SUGCT: variants seen among roughly 807,000 people sequenced by gnomAD.
SUGCT encodes the protein succinyl-CoA:glutarate CoA-transferase.
Under a neutral mutation model 55.0 loss-of-function variants are expected in SUGCT, and 41 were observed. The observed-to-expected ratio is 0.74, with a 90% CI of 0.58 to 0.97. The LOEUF is 0.97. SUGCT is among the 50% of genes least tolerant of loss of function. The probability of loss-of-function intolerance (pLI) is 0.00; values close to 1 mark genes in which losing one functional copy is unlikely to be tolerated. For missense variants in SUGCT, 568 were observed against 547.8 expected, an observed-to-expected ratio of 1.04 and a Z score of -0.37; for synonymous variants, 187 against 200.4, an observed-to-expected ratio of 0.93 and a Z score of 0.56.
the SUGCT span, among the ~76,000 whole-genome samples, chr7:41,008,399 G>A: frequency 6.6e-6 from 1 of 152,108 alleles, no homozygotes; most frequent in East Asian, 1.9e-4. Context: ...CTCACATCCG[G>A]GTTTCTTTTA....
At chr7:40,967,743 C>T in the SUGCT span, among the ~76,000 whole-genome samples, 12,490 of 152,118 alleles carry the variant, frequency 0.082, 567 homozygotes, top group African/African-American at 0.1. Flanking sequence ...GCCTCAGCCT[C>T]CCGAGTAGCT....
At chr7:40,609,557 A>G (rs1258591887) in intron 12 of SUGCT, among the ~76,000 whole-genome samples, 9 of 151,922 alleles carry the variant, frequency 5.9e-5, no homozygotes, top group Non-Finnish European at 1.5e-5. Flanking sequence ...TCTCAAAAAA[A>G]AAAAAAAAAG....
chr7:40,835,491 T>C (rs1449654822), intron 13 of SUGCT, among the ~76,000 whole-genome samples: 2 of 152,196 alleles, frequency 1.3e-5, no homozygotes, highest in African/African-American at 2.4e-5. Context: ...GAAATTAAGT[T>C]CTGCTAGTGC....
At chr7:40,287,357 T>G (rs1212894512) in intron 8 of SUGCT, among the ~76,000 whole-genome samples, 1 of 152,186 alleles carries the variant, frequency 6.6e-6, no homozygotes, top group Non-Finnish European at 1.5e-5. Context: ...TTTTCTTGCC[T>G]AATTGCCCTG....
intron 7 of SUGCT, among the ~76,000 whole-genome samples, chr7:40,250,553 A>G (rs563850724): frequency 3.3e-5 from 5 of 152,138 alleles, no homozygotes; most frequent in African/African-American, 7.2e-5. Flanking sequence ...CAATGTTGAC[A>G]TCTGTTTATG....
chr7:40,695,589 G>A (rs1160291159), intron 12 of SUGCT, among the ~76,000 whole-genome samples: 3 of 152,068 alleles, frequency 2.0e-5, no homozygotes, highest in African/African-American at 4.8e-5. Flanking sequence ...TCTTTTTCAG[G>A]ATGTGATAAC....
intron 7 of SUGCT, among the ~76,000 whole-genome samples, chr7:40,264,973 A>G (rs758387593): frequency 4.6e-5 from 7 of 152,194 alleles, no homozygotes; most frequent in African/African-American, 1.2e-4. Flanking sequence ...CTTAATTCTC[A>G]TACCAAATGC....
chr7:40,383,936 A>G (rs1280855415), intron 9 of SUGCT, among the ~76,000 whole-genome samples: 3 of 151,894 alleles, frequency 2.0e-5, no homozygotes, highest in African/African-American at 7.3e-5. Context: ...CCGCTGCCCC[A>G]CGAAATGCTT....
chr7:40,899,369 CTGTGAATGCAATTACGTGATGGAA>C, the SUGCT span, among the ~76,000 whole-genome samples: 1 of 152,212 alleles, frequency 6.6e-6, no homozygotes, highest in Non-Finnish European at 1.5e-5. Context: ...TAAATACGCC[CTGTGAATGCAATTACGTGATGGAA>C]CGCAGGCTGC....
chr7:40,661,853 G>A (rs1310791921), intron 12 of SUGCT, among the ~76,000 whole-genome samples: 4 of 152,060 alleles, frequency 2.6e-5, no homozygotes, highest in Non-Finnish European at 4.4e-5. Flanking sequence ...TTACATGTTA[G>A]TGCTTCAGCC....
At chr7:40,312,652 T>C (rs1365600297) in intron 8 of SUGCT, among the ~76,000 whole-genome samples, 1 of 152,292 alleles carries the variant, frequency 6.6e-6, no homozygotes. Flanking sequence ...AGAAATCAGA[T>C]AAATTAAGTG....
intron 12 of SUGCT, among the ~76,000 whole-genome samples, chr7:40,529,677 A>G (rs1182274821): frequency 8.5e-5 from 13 of 152,210 alleles, no homozygotes; most frequent in African/African-American, 2.9e-4. Flanking sequence ...TTTTAATTGT[A>G]AAGTTAAAGG....
At chr7:40,878,493 A>C in the SUGCT span, among the ~76,000 whole-genome samples, 1 of 152,196 alleles carries the variant, frequency 6.6e-6, no homozygotes, top group Non-Finnish European at 1.5e-5. Flanking sequence ...ATTGGGCTGA[A>C]AAGCCCTAGA....
intron 12 of SUGCT, among the ~76,000 whole-genome samples, chr7:40,614,632 C>T (rs542731183): frequency 3.3e-5 from 5 of 152,128 alleles, no homozygotes; most frequent in East Asian, 1.9e-4. Context: ...TAAAAACAAA[C>T]ACAAAATTGT....
the SUGCT span, among the ~76,000 whole-genome samples, chr7:40,906,580 T>TAATGAC: frequency 6.6e-6 from 1 of 152,286 alleles, no homozygotes; most frequent in Non-Finnish European, 1.5e-5. Context: ...CAATAGAGTA[T>TAATGAC]AATGACTGTT....
chr7:40,636,788 C>A (rs2151817832), intron 12 of SUGCT, among the ~76,000 whole-genome samples: 1 of 151,892 alleles, frequency 6.6e-6, no homozygotes, highest in Middle Eastern at 3.4e-3. Flanking sequence ...TAGTTTACCA[C>A]AATTTAAAAA....
intron 12 of SUGCT, among the ~76,000 whole-genome samples, chr7:40,600,547 T>C (rs879604454): frequency 6.6e-6 from 1 of 152,214 alleles, no homozygotes; most frequent in Non-Finnish European, 1.5e-5. Context: ...TAACAAGTTC[T>C]GTTCATTTTT....
intron 9 of SUGCT, among the ~76,000 whole-genome samples, chr7:40,359,659 C>T (rs1308665704): frequency 2.0e-5 from 3 of 152,138 alleles, no homozygotes; most frequent in Admixed American, 6.5e-5. Context: ...GCCTTTCTCA[C>T]GTCCTAACTG....
rs148242334 is a variant in SUGCT, at chr7:40,313,689, G to A, written c.721-3071G>A. On this transcript the variant is annotated intron_variant, in intron 8 of 13. Coordinates refer to ENST00000335693, the MANE Select transcript of SUGCT (RefSeq NM_001193313.2). ...CTGTTGCTGAGGCTGGAGCGCTGTG[G>A]CGTGATCACCGCTAACTGCAGCCTT... Among the ~76,000 whole-genome samples, 275 of 151,330 alleles carry A rather than the reference G, an allele frequency of 1.8e-3. 1 individual carries two copies. The highest frequency in any genetic ancestry group is 4.4e-3 in the South Asian group (21 of 4,788).
Sources: gnomAD v4.1 joint callset for allele counts (sites outside exome capture counted in the v4.1 genomes callset) on GRCh38, gnomAD v4.1.1 for gene constraint, MANE v1.5 for transcripts, NCBI Gene and HGNC (gene_info 2026-07-23, HGNC 2026-07-21) for gene names.